Variants in ESCO1 observed in about 807,000 individuals in gnomAD.
ESCO1 encodes the protein N-acetyltransferase ESCO1.
ESCO1 carries 33 observed loss-of-function variants against 83.5 expected under a neutral mutation model. The observed-to-expected ratio is 0.40, with a 90% confidence interval of 0.30 to 0.53. ESCO1 has a LOEUF of 0.53. Among genes scored for constraint, ESCO1 ranks in the 20% least tolerant of loss-of-function variants. ESCO1 has a pLI of 0.63. For synonymous variants in ESCO1, 332 were observed against 324.3 expected (o/e 1.02, Z -0.25); for missense variants, 855 against 968.0 (o/e 0.88, Z 1.55).
intron 8 of ESCO1, among the ~76,000 whole-genome samples, chr18:21,555,312 T>C (rs2038099352): frequency 6.6e-6 from 1 of 152,196 alleles, no homozygotes; most frequent in Admixed American, 6.5e-5. Flanking sequence ...AGTGCAACTA[T>C]TCTATATGAT....
At chr18:21,544,338 G>A (rs1365960233) in intron 8 of ESCO1, among the ~76,000 whole-genome samples, 6 of 151,998 alleles carry the variant, frequency 3.9e-5, no homozygotes, top group Admixed American at 3.9e-4. Context: ...GGGGCATGGT[G>A]GCTCACACCT....
intron 1 of ESCO1, among the ~76,000 whole-genome samples, chr18:21,595,652 A>G (rs2038754266): frequency 6.8e-6 from 1 of 146,968 alleles, no homozygotes; most frequent in Non-Finnish European, 1.5e-5. Flanking sequence ...GGGGCAACAG[A>G]GCGAGACTCC....
At chr18:21,563,904 T>C (rs911566882) in intron 7 of ESCO1, among the ~76,000 whole-genome samples, 1 of 136,676 alleles carries the variant, frequency 7.3e-6, no homozygotes, top group Non-Finnish European at 1.6e-5. Context: ...GCCCTCCTGC[T>C]GGGGTGAGCA....
At chr18:21,553,862 CAAA>C (rs1261790821) in intron 8 of ESCO1, among the ~76,000 whole-genome samples, 2 of 86,346 alleles carry the variant, frequency 2.3e-5, no homozygotes, top group Non-Finnish European at 2.3e-5. Flanking sequence ...GAAACTCTGT[CAAA>C]AAAAAAAAAA....
At chr18:21,544,483 G>A (rs1204707327) in intron 8 of ESCO1, among the ~76,000 whole-genome samples, 3 of 149,382 alleles carry the variant, frequency 2.0e-5, no homozygotes, top group African/African-American at 7.4e-5. Context: ...ACAAAAACTA[G>A]ACAAGCGTGG....
intron 4 of ESCO1, among the ~76,000 whole-genome samples, chr18:21,571,642 T>C (rs559256131): frequency 6.6e-6 from 1 of 152,352 alleles, no homozygotes; most frequent in South Asian, 2.1e-4. Flanking sequence ...GAATTAGATT[T>C]CATATCCATC....
At chr18:21,539,509 A>G (rs893404663) in intron 9 of ESCO1, among the ~76,000 whole-genome samples, 6 of 152,198 alleles carry the variant, frequency 3.9e-5, no homozygotes, top group Non-Finnish European at 7.3e-5. Context: ...TGTTTTCAGA[A>G]TAGGTGTTTC....
intron 11 of ESCO1, among the ~76,000 whole-genome samples, chr18:21,531,849 C>T (rs2037770745): frequency 7.0e-6 from 1 of 142,752 alleles, no homozygotes. Flanking sequence ...GCAGAGATCA[C>T]GCCACTGCAC....
chr18:21,567,489 A>C (rs2146204701), intron 5 of ESCO1, among the ~76,000 whole-genome samples: 1 of 152,256 alleles, frequency 6.6e-6, no homozygotes, highest in Non-Finnish European at 1.5e-5. Context: ...TTAAAAAAAA[A>C]AAAGTTCACA....
chr18:21,536,654 C>G (rs1383606740), intron 9 of ESCO1, among the ~76,000 whole-genome samples: 1 of 151,654 alleles, frequency 6.6e-6, no homozygotes, highest in Non-Finnish European at 1.5e-5. Context: ...TTTTTAACCC[C>G]TTTGGAACAC....
intron 9 of ESCO1, among the ~76,000 whole-genome samples, chr18:21,538,518 T>C (rs1276412216): frequency 6.6e-6 from 1 of 152,198 alleles, no homozygotes; most frequent in Admixed American, 6.6e-5. Context: ...AGCAGTAATA[T>C]GAAAGCTTAT....
chr18:21,574,389 A>G lies in ESCO1; in HGVS notation c.455T>C (p.Leu152Ser). The change falls in exon 4 of 12, where the codon TTG becomes TCG. Residue 152 changes from leucine (L) to serine (S), a missense_variant. Leu to Ser is a moderately radical substitution (Grantham distance 145, BLOSUM62 -2). Coordinates refer to ENST00000269214, the MANE Select transcript of ESCO1 (RefSeq NM_052911.3). ...ACACTGCTCTTTTTTAGTTGGTGGC[A>G]AACTCTGTTTAACTGCTTGAACTTG... ...QGQVQAVKQS[L>S]PPTKKEQCSS... The G allele has an allele frequency of 6.2e-7, 1 of 1,614,072 alleles. No individual in the cohort carries two copies. The highest frequency in any genetic ancestry group is 8.5e-7 in the Non-Finnish European group (1 of 1,180,022).
At chr18:21,555,645 C>T (rs1455341061) in intron 8 of ESCO1, among the ~76,000 whole-genome samples, 4 of 151,824 alleles carry the variant, frequency 2.6e-5, no homozygotes, top group Admixed American at 6.6e-5. Context: ...CTACAAAAAA[C>T]TTAAAAATTA....
At chr18:21,560,443 C>T (rs1161306879) in intron 8 of ESCO1, among the ~76,000 whole-genome samples, 2 of 151,244 alleles carry the variant, frequency 1.3e-5, no homozygotes, top group East Asian at 3.9e-4. Flanking sequence ...AAGGAAATCT[C>T]CAAACAACCT....
In ESCO1 at chr18:21,574,468, G is replaced by T. The variant is rs2038391389; in HGVS notation, c.376C>A (p.Gln126Lys). 5 of 1,613,960 alleles carry T rather than the reference G, an allele frequency of 3.1e-6. No homozygotes were observed. The highest frequency in any genetic ancestry group is 4.2e-6 in the Non-Finnish European group (5 of 1,180,010). Residue 126 changes from glutamine to lysine, a missense_variant, in exon 4 of 12, where the codon CAA becomes AAA. Coordinates refer to ENST00000269214, the MANE Select transcript of ESCO1 (RefSeq NM_052911.3). ...EQLNRRSQRL[Q>K]QLTEVSRRSL... is the part of the protein sequence containing the mutation. ...CTTCTTGAAACCTCTGTTAATTGTTGTAGCCTTTGTGATCTCCGGTTAAGC... is the reference window on the plus strand; with the variant it reads ...CTTCTTGAAACCTCTGTTAATTGTTTTAGCCTTTGTGATCTCCGGTTAAGC...
At chr18:21,566,398 C>T (rs1395654782) in intron 5 of ESCO1, among the ~76,000 whole-genome samples, 192 bp from the exon 6 acceptor site, 1 of 152,148 alleles carries the variant, frequency 6.6e-6, no homozygotes, top group African/African-American at 2.4e-5. Flanking sequence ...GAAAGGCTGT[C>T]TCATACTCAG....
Position 21,564,258 on chromosome 18 carries a change from G to A in ESCO1, c.1766C>T (p.Pro589Leu), listed in dbSNP as rs1231732315. 1 of 1,611,722 alleles carries A rather than the reference G, an allele frequency of 6.2e-7. No individual in the cohort carries two copies. Among genetic ancestry groups the A allele is most frequent in the Non-Finnish European group, 8.5e-7 (1 of 1,179,138 alleles). Residue 589 changes from proline (P) to leucine (L), a missense_variant, in exon 7 of 12, where the codon CCA becomes CTA. Physicochemically the swap from Pro to Leu is moderately conservative, Grantham distance 98. Around this residue, in one of 2 missense-constraint regions of ESCO1, gnomAD observed 726 missense variants for 699.5 expected, o/e 1.04. Transcript: ENST00000269214. ...TGCTTCTTTTAGTTTCAAGTCCTTT[G>A]GAATTGTTATCTCCAAATGGGAATT... Reference protein sequence around the residue: ...KCNSHLEITIPKDLKLKEAEK... With the variant: ...KCNSHLEITILKDLKLKEAEK...
intron 10 of ESCO1, among the ~76,000 whole-genome samples, chr18:21,534,867 G>C (rs2037813770): frequency 6.6e-6 from 1 of 151,656 alleles, no homozygotes; most frequent in Non-Finnish European, 1.5e-5. Flanking sequence ...CTTCTGATCT[G>C]CCCGCCTCAG....
At chr18:21,586,160 A>G (rs1158239436) in intron 1 of ESCO1, among the ~76,000 whole-genome samples, 1 of 152,192 alleles carries the variant, frequency 6.6e-6, no homozygotes, top group Non-Finnish European at 1.5e-5. Flanking sequence ...ATAACCATTA[A>G]TCACTTTCTC....
Sources: gnomAD v4.1 joint callset for allele counts (sites outside exome capture counted in the v4.1 genomes callset) on GRCh38, gnomAD v4.1.1 for gene constraint, gnomAD v4.1.1 regional missense constraint, MANE v1.5 for transcripts, NCBI Gene and HGNC (gene_info 2026-07-23, HGNC 2026-07-21) for gene names.